POR: variants seen among roughly 807,000 people sequenced by gnomAD.
The protein encoded by POR is cytochrome p450 oxidoreductase.
Under a neutral mutation model 84.0 loss-of-function variants are expected in POR, and 56 were observed. That is an observed-to-expected ratio of 0.67 (90% CI 0.54 to 0.83). The LOEUF is 0.83. Among genes scored for constraint, POR ranks in the 40% least tolerant of loss-of-function variants. The pLI is 0.00. For missense variants in POR, 938 were observed against 944.3 expected (o/e 0.99, Z 0.09); for synonymous variants, 414 against 400.5 (o/e 1.03, Z -0.40).
intron 2 of POR, among the ~76,000 whole-genome samples, chr7:75,954,449 G>A (rs1162478985): frequency 2.6e-5 from 4 of 152,134 alleles, no homozygotes; most frequent in African/African-American, 7.2e-5. Flanking sequence ...ATTAAGAACC[G>A]GGGGCTCAAG....
chr7:75,939,560 A>G (rs1289528671), intron 1 of POR, among the ~76,000 whole-genome samples: 1 of 146,656 alleles, frequency 6.8e-6, no homozygotes, highest in Admixed American at 6.8e-5. Context: ...TTTTTTTTTA[A>G]ATACAGAAGA....
At position 75,954,004 on chromosome 7, in the gene POR, G is replaced by T; in HGVS notation, c.12G>T (p.Met4Ile). ...CTCCTAACAGTTTCATGATCAACAT[G>T]GGAGACTCCCACGTGGACACCAGCT... The change falls in exon 2 of 16, where the codon ATG becomes ATT. Residue 4 changes from methionine to isoleucine, a missense_variant. Transcript: ENST00000461988. The T allele has an allele frequency of 6.3e-7, 1 of 1,596,948 alleles. No individual in the cohort carries two copies. The highest frequency in any genetic ancestry group is 1.1e-5 in the South Asian group (1 of 88,462).
At chr7:75,966,560 A>G (rs1788191037) in intron 2 of POR, among the ~76,000 whole-genome samples, 1 of 152,176 alleles carries the variant, frequency 6.6e-6, no homozygotes, top group Non-Finnish European at 1.5e-5. Context: ...AGAACTTGGC[A>G]GTAGACGCTA....
In POR at chr7:75,932,189, T is replaced by G. The variant is rs1172872686; in HGVS notation, c.-5+17010T>G. On this transcript the variant is annotated intron_variant, in intron 1 of 15. Transcript: ENST00000461988. ...AAGACAAATTCAGAAATTCTTTTTT[T>G]TTTTTTTTGAGACAAATTCTGTCTC... is the stretch of plus-strand genomic sequence containing the variant. Among the ~76,000 whole-genome samples the G allele has an allele frequency of 2.0e-5, 3 of 152,132 alleles. No homozygotes were observed. The East Asian group carries it at 5.8e-4, about 29-fold the overall frequency.
At chr7:75,981,496 C>G in intron 6 of POR, 21 bp from the exon 7 acceptor site, 2 of 1,602,182 alleles carry the variant, frequency 1.2e-6, no homozygotes, top group Non-Finnish European at 1.7e-6. Flanking sequence ...AGCCGCTCCC[C>G]CTCTCCTCTC....
chr7:75,955,000 G>A (rs207468092), intron 2 of POR, among the ~76,000 whole-genome samples: 19 of 152,136 alleles, frequency 1.2e-4, no homozygotes, highest in African/African-American at 2.7e-4. Context: ...GAGCCGTTGC[G>A]CCCAGTCAAT....
rs782286127 is a variant in POR, at chr7:75,986,028, C to CCCAGCTCA, written c.1776_1783dup (p.Asn595ThrfsTer21). 2 of 1,561,754 alleles carry CCCAGCTCA rather than the reference C, an allele frequency of 1.3e-6. No homozygotes were observed. Among genetic ancestry groups the CCCAGCTCA allele is most frequent in the South Asian group, 2.4e-5 (2 of 84,976 alleles). ...CAGTTCCACAGGGACGGTGCGCTCA[C>CCCAGCTCA]CCAGCTCAACGTGGCCTTCTCCCGG... is the stretch of plus-strand genomic sequence containing the variant. On this transcript the variant is annotated frameshift_variant, in exon 14 of 16. Coordinates refer to ENST00000461988, the MANE Select transcript of POR (RefSeq NM_000941.3). LOFTEE classifies it high-confidence loss of function.
intron 1 of POR, chr7:75,918,805 T>G (rs1265571898): frequency 2.0e-5 from 3 of 151,994 alleles, no homozygotes; most frequent in African/African-American, 7.3e-5. Context: ...GATGTTTGAG[T>G]TGGGTCTTGG....
chr7:75,935,407 C>G (rs1467725513), intron 1 of POR, among the ~76,000 whole-genome samples: 1 of 152,020 alleles, frequency 6.6e-6, no homozygotes, highest in Non-Finnish European at 1.5e-5. Flanking sequence ...CCACCATGCC[C>G]AGGTAATTTT....
At chr7:75,973,674 C>CTTGTTT (rs1788544033) in intron 3 of POR, among the ~76,000 whole-genome samples, 1 of 64,930 alleles carries the variant, frequency 1.5e-5, no homozygotes, top group East Asian at 5.8e-4. Flanking sequence ...CCAGACCTTG[C>CTTGTTT]TTTTTTTTTT....
At chr7:75,941,535 G>A (rs1276931178) in intron 1 of POR, among the ~76,000 whole-genome samples, 2 of 152,160 alleles carry the variant, frequency 1.3e-5, no homozygotes, top group Admixed American at 1.3e-4. Context: ...GTAACTAGGT[G>A]CACTTCAGTT....
intron 1 of POR, among the ~76,000 whole-genome samples, chr7:75,935,618 C>CG (rs1563404519): frequency 2.1e-4 from 23 of 107,620 alleles, no homozygotes; most frequent in Non-Finnish European, 3.4e-4. Context: ...CTGCTCGGGG[C>CG]TTGTGTGTGT....
At chr7:75,934,484 T>C (rs901314499) in intron 1 of POR, among the ~76,000 whole-genome samples, 1 of 152,166 alleles carries the variant, frequency 6.6e-6, no homozygotes, top group Non-Finnish European at 1.5e-5. Context: ...GAAAAAACTT[T>C]TTCAAGAGAA....
At chr7:75,933,126 G>T (rs1342721136) in intron 1 of POR, among the ~76,000 whole-genome samples, 5 of 151,022 alleles carry the variant, frequency 3.3e-5, no homozygotes, top group Non-Finnish European at 7.4e-5. Flanking sequence ...TTAATTTTAT[G>T]TTTTAAAATA....
intron 1 of POR, among the ~76,000 whole-genome samples, chr7:75,930,945 C>T (rs1441405303): frequency 6.6e-6 from 1 of 152,176 alleles, no homozygotes; most frequent in African/African-American, 2.4e-5. Flanking sequence ...ACCTCAGCCT[C>T]CTGAGTAGCG....
intron 2 of POR, among the ~76,000 whole-genome samples, chr7:75,964,385 G>A (rs1032234399): frequency 3.3e-5 from 5 of 151,984 alleles, no homozygotes; most frequent in Admixed American, 2.6e-4. Context: ...TCGGCTCACT[G>A]CCACCTCCGC....
At chr7:75,925,810 C>T (rs779247199) in intron 1 of POR, among the ~76,000 whole-genome samples, 44 of 152,136 alleles carry the variant, frequency 2.9e-4, no homozygotes, top group Admixed American at 5.2e-4. Flanking sequence ...GGTTCAGGCT[C>T]GGTTGTAAAT....
chr7:75,983,209 C>T lies in POR; in HGVS notation c.831-311C>T, dbSNP rs555358989. On this transcript the variant is annotated intron_variant, in intron 8 of 15. Coordinates refer to ENST00000461988, the MANE Select transcript of POR (RefSeq NM_000941.3). ...TATAAAAGTTAACCAGGCATGGTGGCGAATGCCTGTAATTCCAGCTGCTCA... is the reference window on the plus strand; with the variant it reads ...TATAAAAGTTAACCAGGCATGGTGGTGAATGCCTGTAATTCCAGCTGCTCA... The T allele has an allele frequency of 5.9e-5, 16 of 272,074 alleles. No homozygotes were observed. The East Asian group carries it at 6.5e-4, about 11-fold the overall frequency. The allele number at this position is 272,074 out of a possible 1,614,324, so 16.9% of individuals were successfully genotyped here. A position where few individuals can be genotyped will look rare whatever the true frequency, so the allele number is the denominator to read the frequency against.
chr7:75,980,807 CCGCT>C, intron 5 of POR: 1 of 1,292,452 alleles, frequency 7.7e-7, no homozygotes, highest in South Asian at 1.5e-5. Flanking sequence ...TGGGCTGGCC[CCGCT>C]TCCCTGTGGG....
Sources: gnomAD v4.1 joint callset for allele counts (sites outside exome capture counted in the v4.1 genomes callset) on GRCh38, gnomAD v4.1.1 for gene constraint, MANE v1.5 for transcripts, NCBI Gene and HGNC (gene_info 2026-07-23, HGNC 2026-07-21) for gene names.